The following VWC2 variants were observed in gnomAD, a reference collection of about 807,000 sequenced individuals.
VWC2 encodes the protein von Willebrand factor C domain containing 2, also known as brorin.
A neutral mutation model predicts 29.8 loss-of-function variants in VWC2; 14 were observed. The observed-to-expected ratio is 0.47, with a 90% CI of 0.31 to 0.74. The LOEUF (loss-of-function observed/expected upper bound fraction) is 0.74. Ranked by LOEUF, VWC2 falls within the 30% of genes least tolerant of loss-of-function variation. The pLI, the probability that VWC2 is intolerant of heterozygous loss-of-function variation, is 0.05. For synonymous variants in VWC2, 213 were observed against 199.0 expected (o/e 1.07, Z -0.59); for missense variants, 457 against 459.8 (o/e 0.99, Z 0.05).
chr7:49,847,547 G>C (rs1789990541), intron 3 of VWC2, among the ~76,000 whole-genome samples: 1 of 152,158 alleles, frequency 6.6e-6, no homozygotes, highest in Non-Finnish European at 1.5e-5. Flanking sequence ...ATCATGAGAT[G>C]ATCATCATTG....
intron 3 of VWC2, among the ~76,000 whole-genome samples, chr7:49,843,818 A>C (rs1789854356): frequency 6.6e-6 from 1 of 152,224 alleles, no homozygotes; most frequent in Non-Finnish European, 1.5e-5. Context: ...ATGTGATGAC[A>C]GTTCATCTTA....
In VWC2 at chr7:49,913,511, T is replaced by C. The variant is rs1793565577; in HGVS notation, c.*1326T>C. On this transcript the variant is annotated 3_prime_UTR_variant, in exon 4 of 4. Transcript: ENST00000340652. ...TTAATGTCTTTAAAGGATTAAAATA[T>C]ATATAATCATTATTTGAAGCCTCTA... The C allele has an allele frequency of 6.6e-6, 1 of 152,204 alleles. No homozygotes were observed. Among genetic ancestry groups the C allele is most frequent in the Non-Finnish European group, 1.5e-5 (1 of 68,032 alleles). The allele number at this position is 152,204 out of a possible 1,614,324, so 9.4% of individuals were successfully genotyped here.
At chr7:49,881,690 T>C (rs1193145049) in intron 3 of VWC2, among the ~76,000 whole-genome samples, 1 of 152,174 alleles carries the variant, frequency 6.6e-6, no homozygotes, top group African/African-American at 2.4e-5. Context: ...CTAAAAGTCT[T>C]TGGTTTGGTT....
intron 3 of VWC2, among the ~76,000 whole-genome samples, chr7:49,904,760 G>C (rs190478264): frequency 1.4e-4 from 21 of 147,358 alleles, no homozygotes; most frequent in African/African-American, 5.2e-4. Context: ...TTTTGAGATG[G>C]AGTATCACTC....
chr7:49,846,463 C>T (rs147473613), intron 3 of VWC2, among the ~76,000 whole-genome samples: 134 of 152,326 alleles, frequency 8.8e-4, no homozygotes, highest in Middle Eastern at 6.8e-3. Context: ...CTCACTTCCA[C>T]GTCTTTGCAT....
chr7:49,908,097 T>C (rs1397452226), intron 3 of VWC2, among the ~76,000 whole-genome samples: 1 of 152,228 alleles, frequency 6.6e-6, no homozygotes, highest in Non-Finnish European at 1.5e-5. Flanking sequence ...CATCTATTTC[T>C]TTCAGGGACC....
chr7:49,839,751 G>A (rs186234572), intron 3 of VWC2, among the ~76,000 whole-genome samples: 306 of 152,314 alleles, frequency 2.0e-3, no homozygotes, highest in Middle Eastern at 3.4e-3. Flanking sequence ...AAAGAGCTGC[G>A]TGCAGAAATA....
Position 49,775,553 on chromosome 7 carries a change from C to A in VWC2, c.118C>A (p.Pro40Thr), listed in dbSNP as rs1219609554. 9 of 1,554,720 alleles carry A rather than the reference C, an allele frequency of 5.8e-6. No individual in the cohort carries two copies. The East Asian group carries it at 2.0e-4, about 34-fold the overall frequency. ...CCCGCTGGAGAAGCTGGCCCAGGCA[C>A]CAGAGCAGCCGGGCCAGGAGAAGCG... is the stretch of plus-strand genomic sequence containing the variant. ...SIPLEKLAQAPEQPGQEKREH... is the reference protein window; with the variant it reads ...SIPLEKLAQATEQPGQEKREH... Residue 40 changes from proline to threonine, a missense_variant, in exon 2 of 4, where the codon CCA becomes ACA. Physicochemically the swap from Pro to Thr is conservative, Grantham distance 38. This residue lies in a region of VWC2 where 272 missense variants were observed against 202.7 expected (regional missense o/e 1.34). Transcript: ENST00000340652.
At chr7:49,878,723 C>T (rs952218390) in intron 3 of VWC2, among the ~76,000 whole-genome samples, 15 of 152,050 alleles carry the variant, frequency 9.9e-5, no homozygotes, top group African/African-American at 3.1e-4. Context: ...TAAAAAATTG[C>T]TCATGCACGA....
intron 3 of VWC2, among the ~76,000 whole-genome samples, chr7:49,852,568 G>A (rs117109756): frequency 0.025 from 3,749 of 152,176 alleles, 80 homozygotes; most frequent in Middle Eastern, 0.075. Context: ...ATGCTATTTA[G>A]TGGTTTTTCC....
chr7:49,783,156 C>T (rs1038695431), intron 2 of VWC2, among the ~76,000 whole-genome samples: 2 of 152,026 alleles, frequency 1.3e-5, no homozygotes, highest in African/African-American at 4.8e-5. Context: ...CTGATAAGTC[C>T]CAACGGAAAC....
At chr7:49,894,912 T>C (rs1346924009) in intron 3 of VWC2, among the ~76,000 whole-genome samples, 2 of 152,214 alleles carry the variant, frequency 1.3e-5, no homozygotes, top group Non-Finnish European at 2.9e-5. Flanking sequence ...AGCCTCTGCA[T>C]TGCAGGAGAC....
intron 3 of VWC2, among the ~76,000 whole-genome samples, chr7:49,857,238 C>T (rs867196627): frequency 3.3e-5 from 5 of 152,088 alleles, no homozygotes; most frequent in African/African-American, 4.8e-5. Flanking sequence ...TCTGGTTCTA[C>T]GAGTTTAGCT....
intron 3 of VWC2, among the ~76,000 whole-genome samples, chr7:49,846,287 A>G (rs1789943714): frequency 6.6e-6 from 1 of 152,180 alleles, no homozygotes; most frequent in Non-Finnish European, 1.5e-5. Flanking sequence ...ATATGGAAAG[A>G]AATTTGATGG....
intron 3 of VWC2, among the ~76,000 whole-genome samples, chr7:49,826,539 C>A (rs540356066): frequency 6.6e-6 from 1 of 152,212 alleles, no homozygotes; most frequent in South Asian, 2.1e-4. Flanking sequence ...TTTAGAAGTG[C>A]ACAAATGTAT....
At chr7:49,787,463 G>A (rs760225532) in intron 2 of VWC2, among the ~76,000 whole-genome samples, 6 of 152,174 alleles carry the variant, frequency 3.9e-5, no homozygotes, top group Non-Finnish European at 8.8e-5. Flanking sequence ...TATGCCAGGA[G>A]CTAAACCTCC....
chr7:49,897,905 C>T (rs935995262), intron 3 of VWC2, among the ~76,000 whole-genome samples: 2 of 152,158 alleles, frequency 1.3e-5, no homozygotes, highest in African/African-American at 4.8e-5. Context: ...GAGAAAAATT[C>T]GCTCACACTT....
At chr7:49,837,673 GA>G (rs1789695146) in intron 3 of VWC2, among the ~76,000 whole-genome samples, 1 of 152,128 alleles carries the variant, frequency 6.6e-6, no homozygotes, top group Non-Finnish European at 1.5e-5. Flanking sequence ...AAGGAAAAAA[GA>G]TAAATTGAAT....
chr7:49,775,204 G>C (rs1414732301), intron 1 of VWC2, 129 bp from the exon 2 acceptor site: 1 of 260,934 alleles, frequency 3.8e-6, no homozygotes, highest in East Asian at 7.6e-5. Flanking sequence ...ACCGACGCTG[G>C]GCATGCTGCC....
Sources: allele counts gnomAD v4.1 joint callset (sites outside exome capture counted in the v4.1 genomes callset), GRCh38; gene constraint gnomAD v4.1.1; regional missense constraint gnomAD v4.1.1; transcripts MANE v1.5; gene names NCBI Gene and HGNC (gene_info 2026-07-23, HGNC 2026-07-21).